The following GRID2IP variants were observed in gnomAD, a reference collection of about 807,000 sequenced individuals.
GRID2IP encodes delphilin.
GRID2IP carries 78 observed loss-of-function variants against 114.3 expected under a neutral mutation model. That is an observed-to-expected ratio of 0.68 (90% confidence interval 0.57 to 0.82). The LOEUF (loss-of-function observed/expected upper bound fraction) is 0.82. Ranked by LOEUF, GRID2IP falls within the 40% of genes least tolerant of loss-of-function variation. The pLI is 0.00. For synonymous variants in GRID2IP, 809 were observed against 724.0 expected, an observed-to-expected ratio of 1.12 and a Z score of -1.89; for missense variants, 1,727 against 1,678.5, an observed-to-expected ratio of 1.03 and a Z score of -0.51.
In GRID2IP at chr7:6,523,671, T is replaced by C. The variant is rs1036605353; in HGVS notation, c.920-1714A>G. The stretch of plus-strand genomic sequence containing the variant: ...ACAGCCTCGAACTTCTGGGCTCAAG[T>C]GATCCTCCCACCCCAGCCTCCAGAG... On this transcript the variant is annotated intron_variant, in intron 4 of 21. Coordinates refer to ENST00000457091, the MANE Select transcript of GRID2IP (RefSeq NM_001145118.2). This position sits in a 1 kb window ranked among gnomAD's most constrained non-coding sequence, Gnocchi z 4.5. 4.6e-5 allele frequency among the ~76,000 whole-genome samples: 7 copies of C among 152,068 alleles called. No individual in the cohort carries two copies. Among genetic ancestry groups the C allele is most frequent in the African/African-American group, 1.4e-4 (6 of 41,404 alleles).
chr7:6,525,517 G>A (rs1162113625), intron 4 of GRID2IP, among the ~76,000 whole-genome samples: 2 of 151,982 alleles, frequency 1.3e-5, no homozygotes, highest in African/African-American at 4.8e-5. Context: ...CAGCTACTCT[G>A]GAGGCTGAGG....
chr7:6,537,636 C>A (rs1779749593), intron 2 of GRID2IP, among the ~76,000 whole-genome samples: 1 of 151,614 alleles, frequency 6.6e-6, no homozygotes, highest in South Asian at 2.1e-4. Flanking sequence ...CCTCGGCCTC[C>A]CAAAGTGCTG....
rs1779722809 is a variant in GRID2IP, at chr7:6,536,385, T to TA, written c.584+3332dup. Among the ~76,000 whole-genome samples, 1 of 152,212 alleles carries TA rather than the reference T, an allele frequency of 6.6e-6. No individual in the cohort carries two copies. Among genetic ancestry groups the TA allele is most frequent in the South Asian group, 2.1e-4 (1 of 4,832 alleles). ...TCCAGGGCTCCCGCTGCCCAGGCTC[T>TA]AAATCGAGCGCGCCCAAGGGGGTTC... is the stretch of plus-strand genomic sequence containing the variant. On this transcript the variant is annotated intron_variant, in intron 2 of 21. Transcript: ENST00000457091. This position sits in a 1 kb window ranked among gnomAD's most constrained non-coding sequence, Gnocchi z 5.3.
In GRID2IP at chr7:6,521,662, T is replaced by C. The variant is rs1426357314; in HGVS notation, c.990-139A>G. On this transcript the variant is annotated intron_variant, in intron 5 of 21. Coordinates refer to ENST00000457091, the MANE Select transcript of GRID2IP (RefSeq NM_001145118.2). This position sits in a 1 kb window ranked among gnomAD's most constrained non-coding sequence, Gnocchi z 4.1. ...TGACTCTGTGTCCCCAGCATGGAGC[T>C]GGAGTATTTTCTGGTTGGAAGGATG... The C allele has an allele frequency of 4.3e-6, 3 of 703,844 alleles. No individual in the cohort carries two copies. In the African/African-American group the frequency reaches 5.4e-5, roughly 13 times the overall value. The allele number at this position is 703,844 out of a possible 1,614,324, so 43.6% of individuals were successfully genotyped here.
At chr7:6,512,220 TTTC>T (rs1036610198) in intron 8 of GRID2IP, among the ~76,000 whole-genome samples, 2 of 141,650 alleles carry the variant, frequency 1.4e-5, no homozygotes, top group Non-Finnish European at 3.1e-5. Context: ...CCTGCCTTTT[TTTC>T]TTTTCTTCTT....
Position 6,504,867 on chromosome 7 carries a change from G to C in GRID2IP, c.2636C>G (p.Pro879Arg), listed in dbSNP as rs1786530774. Residue 879 changes from proline to arginine, a missense_variant, in exon 15 of 22, where the codon CCG becomes CGG. Transcript: ENST00000457091. Reference protein sequence around the residue: ...LHFGTQKPAKPVPGPEPFRKK... With the variant: ...LHFGTQKPAKRVPGPEPFRKK... ...CCGGAAGGGCTCCGGCCCCGGCACC[G>C]GTTCTGGAAAAGAAACTGACAGTTT... is the stretch of plus-strand genomic sequence containing the variant. The C allele has an allele frequency of 1.3e-6, 2 of 1,551,184 alleles. No individual in the cohort carries two copies. The highest frequency in any genetic ancestry group is 1.7e-6 in the Non-Finnish European group (2 of 1,146,786).
At chr7:6,531,745 G>A (rs954470677) in intron 2 of GRID2IP, among the ~76,000 whole-genome samples, 3 of 152,234 alleles carry the variant, frequency 2.0e-5, no homozygotes, top group African/African-American at 7.2e-5. Context: ...ACTCTGGGAA[G>A]AGGAAGGAGC....
In GRID2IP at chr7:6,509,422, C is replaced by G; in HGVS notation, c.1772-109G>C. ...GACTGGCTCTGTGTCCCAGGCCACT[C>G]TCCTTTCCCTCTCTGGGCACAGTGC... On this transcript the variant is annotated intron_variant, in intron 11 of 21. Coordinates refer to ENST00000457091, the MANE Select transcript of GRID2IP (RefSeq NM_001145118.2). This position sits in a 1 kb window ranked among gnomAD's most constrained non-coding sequence, Gnocchi z 4.9. 1.0e-6 allele frequency: 1 copy of G among 985,304 alleles called. No individual in the cohort carries two copies. Among genetic ancestry groups the G allele is most frequent in the Non-Finnish European group, 1.4e-6 (1 of 704,952 alleles). The allele number at this position is 985,304 out of a possible 1,614,324, so 61.0% of individuals were successfully genotyped here.
rs1583328903 is a variant in GRID2IP at position 6,497,450 on chromosome 7, C to T, written c.*324G>A. The T allele has an allele frequency of 1.6e-5, 4 of 254,614 alleles. No homozygotes were observed. In the East Asian group the frequency reaches 3.0e-4, roughly 19 times the overall value. 15.8% of individuals were successfully genotyped at this position (254,614 alleles called of 1,614,324 possible). ...GGTCCACATGTCCCAGGAATGTGGC[C>T]ACTTTGTAATCCACCCTCCAGGCCC... On this transcript the variant is annotated 3_prime_UTR_variant, in exon 22 of 22. Transcript: ENST00000457091.
intron 8 of GRID2IP, 134 bp from the exon 9 acceptor site, chr7:6,511,173 C>T: frequency 3.4e-6 from 4 of 1,185,238 alleles, no homozygotes; most frequent in Non-Finnish European, 3.2e-6. Context: ...GCCCTGCTTG[C>T]CTCCAGAACA....
Position 6,497,805 on chromosome 7 carries a change from C to A in GRID2IP, c.3605G>T (p.Ser1202Ile), listed in dbSNP as rs1786298455. Reference protein sequence around the residue: ...SDLQAGEGLRSSGMVSPLAW With the variant: ...SDLQAGEGLRISGMVSPLAW ...GGCCAGGGGTGAAACCATCCCGGAGCTGCGCAGGCCCTCCCCGGCCTGCAG... is the reference window on the plus strand; with the variant it reads ...GGCCAGGGGTGAAACCATCCCGGAGATGCGCAGGCCCTCCCCGGCCTGCAG... Residue 1202 changes from serine (S) to isoleucine (I), a missense_variant, in exon 22 of 22, where the codon AGC becomes ATC. Transcript: ENST00000457091. 11 of 1,550,260 alleles carry A rather than the reference C, an allele frequency of 7.1e-6. No homozygotes were observed. Among genetic ancestry groups the A allele is most frequent in the Non-Finnish European group, 9.6e-6 (11 of 1,146,814 alleles).
chr7:6,502,720 T>C, intron 18 of GRID2IP, 66 bp downstream of exon 18: 1 of 1,181,160 alleles, frequency 8.5e-7, no homozygotes, highest in South Asian at 1.3e-5. Context: ...ACAACTGAGC[T>C]AGGCCTGGCG....
intron 2 of GRID2IP, among the ~76,000 whole-genome samples, chr7:6,527,101 C>G (rs1401733601): frequency 1.3e-5 from 2 of 152,082 alleles, no homozygotes; most frequent in East Asian, 3.9e-4. Flanking sequence ...CCTCTGTCCT[C>G]TCCCCCCACT....
chr7:6,533,122 CAG>C (rs1188965886), intron 2 of GRID2IP, among the ~76,000 whole-genome samples: 1 of 152,164 alleles, frequency 6.6e-6, no homozygotes, highest in Non-Finnish European at 1.5e-5. Flanking sequence ...TGACAACTGA[CAG>C]GGGTTGTGCT....
At chr7:6,531,634 G>T (rs529014762) in intron 2 of GRID2IP, among the ~76,000 whole-genome samples, 3 of 152,366 alleles carry the variant, frequency 2.0e-5, no homozygotes, top group African/African-American at 7.2e-5. Flanking sequence ...AAGTAGCTGG[G>T]ACTACAGGCA....
chr7:6,520,725 G>A lies in GRID2IP; in HGVS notation c.1121C>T (p.Ala374Val), dbSNP rs140661193. The A allele has an allele frequency of 2.1e-5, 33 of 1,551,596 alleles. No individual in the cohort carries two copies. The African/African-American group carries it at 2.3e-4, about 11-fold the overall frequency. Residue 374 changes from alanine to valine, a missense_variant, in exon 7 of 22, where the codon GCG becomes GTG. Coordinates refer to ENST00000457091, the MANE Select transcript of GRID2IP (RefSeq NM_001145118.2). The surrounding 1 kb of genome is among the most constrained non-coding windows in gnomAD (Gnocchi z 4.6). ...DSLDSPNPSS[A>V]LTSLQWVAEI... ...CGCCACCCACTGCAGGGAGGTGAGC[G>A]CCGACGACGGGTTGGGTGAGTCCAG...
intron 11 of GRID2IP, 92 bp downstream of exon 11, chr7:6,510,191 C>A: frequency 1.2e-6 from 1 of 815,998 alleles, no homozygotes; most frequent in Non-Finnish European, 1.9e-6. Context: ...TGGGACAACC[C>A]TGACCCTGAT....
intron 2 of GRID2IP, among the ~76,000 whole-genome samples, chr7:6,537,069 G>T (rs1186686495): frequency 1.3e-5 from 2 of 152,118 alleles, no homozygotes; most frequent in Non-Finnish European, 2.9e-5. Flanking sequence ...CGCAGGCCCA[G>T]GAGGCTGGGT....
intron 1 of GRID2IP, among the ~76,000 whole-genome samples, chr7:6,540,458 G>C (rs1201695405): frequency 1.3e-5 from 2 of 151,736 alleles, no homozygotes; most frequent in Non-Finnish European, 2.9e-5. Flanking sequence ...AAGAGGGCCT[G>C]GTCGCATGGT....
Sources: allele counts gnomAD v4.1 joint callset (sites outside exome capture counted in the v4.1 genomes callset), GRCh38; gene constraint gnomAD v4.1.1; non-coding constraint Gnocchi (gnomAD v3.1); transcripts MANE v1.5; gene names NCBI Gene and HGNC (gene_info 2026-07-23, HGNC 2026-07-21).